The following INSM1 variants were observed in gnomAD, a reference collection of about 807,000 sequenced individuals.
INSM1 encodes insulinoma-associated protein 1.
INSM1 carries 11 observed loss-of-function variants against 21.1 expected under a neutral mutation model. The ratio of observed to expected loss-of-function variants is 0.52; its 90% CI spans 0.33 to 0.86. The LOEUF (loss-of-function observed/expected upper bound fraction) is 0.86, where lower values mean the gene tolerates loss of function less well. INSM1 is among the 40% of genes least tolerant of loss of function. The probability of loss-of-function intolerance (pLI) is 0.03; values close to 1 mark genes in which losing one functional copy is unlikely to be tolerated. For missense variants in INSM1, 843 were observed against 760.1 expected (o/e 1.11, Z -1.28); for synonymous variants, 473 against 386.1 (o/e 1.23, Z -2.64).
rs1602218244 is a variant in INSM1, at chr20:20,369,922, G to A, written c.*122G>A. The A allele has an allele frequency of 4.9e-6, 4 of 824,528 alleles. No individual in the cohort carries two copies. The African/African-American group carries it at 7.1e-5, about 15-fold the overall frequency. The allele number at this position is 824,528 out of a possible 1,614,324, so 51.1% of individuals were successfully genotyped here. On this transcript the variant is annotated 3_prime_UTR_variant, in exon 1 of 1. Coordinates refer to ENST00000310227, the MANE Select transcript of INSM1 (RefSeq NM_002196.3). This position sits in a 1 kb window ranked among gnomAD's most constrained non-coding sequence, Gnocchi z 5.6. ...GGAGCCTCGCCCCCGCCCCCACCGG[G>A]TGAAAGTGTCGTCTCCGCTTCTCTC... is the stretch of plus-strand genomic sequence containing the variant.
rs2059488014 is a variant in INSM1 at position 20,369,033 on chromosome 20, C to A, written c.766C>A (p.Arg256Ser). 1.3e-6 allele frequency: 2 copies of A among 1,536,388 alleles called. No individual in the cohort carries two copies. Among genetic ancestry groups the A allele is most frequent in the African/African-American group, 1.4e-5 (1 of 70,150 alleles). ...KEGPVEAPRGRAGGAARPLGE... is the reference protein window; with the variant it reads ...KEGPVEAPRGSAGGAARPLGE... ...GGGCCCGGTGGAGGCGCCGCGGGGC[C>A]GCGCGGGGGGCGCGGCGCGGCCGCT... The change falls in exon 1 of 1, where the codon CGC (arginine) becomes AGC (serine). Residue 256 changes from arginine to serine, a missense_variant. Coordinates refer to ENST00000310227, the MANE Select transcript of INSM1 (RefSeq NM_002196.3). This position sits in a 1 kb window ranked among gnomAD's most constrained non-coding sequence, Gnocchi z 5.6.
Position 20,369,470 on chromosome 20 carries a change from G to T in INSM1, c.1203G>T (p.Ala401=). ...TGCAGGCCAAGGGCGCGCCGCTAGC[G>T]CCCCCGGCCGAGGACCTACTGGCCT... is the stretch of plus-strand genomic sequence containing the variant. The part of the protein sequence containing the change: ...QALQAKGAPL[A]PPAEDLLALY... The change falls in exon 1 of 1, where the codon GCG becomes GCT. Residue 401 remains alanine, a synonymous_variant. Coordinates refer to ENST00000310227, the MANE Select transcript of INSM1 (RefSeq NM_002196.3). The surrounding 1 kb of genome is among the most constrained non-coding windows in gnomAD (Gnocchi z 5.6). The T allele has an allele frequency of 6.5e-7, 1 of 1,530,202 alleles. No homozygotes were observed. Among genetic ancestry groups the T allele is most frequent in the Non-Finnish European group, 8.7e-7 (1 of 1,149,170 alleles). 94.8% of individuals were successfully genotyped at this position (1,530,202 alleles called of 1,614,324 possible).
Position 20,368,932 on chromosome 20 carries a change from A to G in INSM1, c.665A>G (p.Lys222Arg), listed in dbSNP as rs2059487461. 2 of 1,526,666 alleles carry G rather than the reference A, an allele frequency of 1.3e-6. No individual in the cohort carries two copies. Among genetic ancestry groups the G allele is most frequent in the Admixed American group, 2.1e-5 (1 of 48,646 alleles). 94.6% of individuals were successfully genotyped at this position (1,526,666 alleles called of 1,614,324 possible). ...GCAGTCAAGGCCCCGGGCGCCAAGA[A>G]GCCCAAGGCCATCCGCAAGCTGCAC... ...AKAVKAPGAK[K>R]PKAIRKLHFE... Residue 222 changes from lysine to arginine, a missense_variant, in exon 1 of 1, where the codon AAG (lysine) becomes AGG (arginine). Lys to Arg is a conservative substitution (Grantham distance 26, BLOSUM62 2). Transcript: ENST00000310227. The surrounding 1 kb of genome is among the most constrained non-coding windows in gnomAD (Gnocchi z 4.3).
Position 20,368,832 on chromosome 20 carries a change from C to G in INSM1, c.565C>G (p.Leu189Val). 1 of 1,229,542 alleles carries G rather than the reference C, an allele frequency of 8.1e-7. No individual in the cohort carries two copies. The highest frequency in any genetic ancestry group is 1.0e-6 in the Non-Finnish European group (1 of 971,256). The allele number at this position is 1,229,542 out of a possible 1,614,324, so 76.2% of individuals were successfully genotyped here. A position where few individuals can be genotyped will look rare whatever the true frequency, so the allele number is the denominator to read the frequency against. Residue 189 changes from leucine (L) to valine (V), a missense_variant, in exon 1 of 1, where the codon CTG becomes GTG. Transcript: ENST00000310227. This position sits in a 1 kb window ranked among gnomAD's most constrained non-coding sequence, Gnocchi z 4.3. ...CCGCGGCCCGGGCCCCGGCCCCCCA[C>G]TGCCCCCTGCCGCCGCCCTGCGGCC... ...AARGPGPGPPLPPAAALRPPG... is the reference protein window; with the variant it reads ...AARGPGPGPPVPPAAALRPPG...
At position 20,369,818 on chromosome 20, in the gene INSM1, G is replaced by A. The variant is rs751593238; in HGVS notation, c.*18G>A. ...CCTGCTAGAGCGCGCCCTCCACCCC[G>A]GCCCCCGAACTGTGCCTTCGCTTGG... On this transcript the variant is annotated 3_prime_UTR_variant, in exon 1 of 1. Transcript: ENST00000310227. The surrounding 1 kb of genome is among the most constrained non-coding windows in gnomAD (Gnocchi z 5.6). The A allele has an allele frequency of 4.5e-5, 71 of 1,570,982 alleles. No individual in the cohort carries two copies. The highest frequency in any genetic ancestry group is 5.8e-5 in the Non-Finnish European group (67 of 1,157,742).
rs1347114131 is a variant in INSM1, at chr20:20,369,659, C to T, written c.1392C>T (p.His464=). Residue 464 remains histidine, a synonymous_variant, in exon 1 of 1, where the codon CAC becomes CAT. Coordinates refer to ENST00000310227, the MANE Select transcript of INSM1 (RefSeq NM_002196.3). This position sits in a 1 kb window ranked among gnomAD's most constrained non-coding sequence, Gnocchi z 5.6. Reference sequence around the variant, plus strand: ...AGGAGCGCCACCTGCGCCTGCTGCACGCCGCCCAGGTGTTCCCCTGCAAGT... The same window carrying T: ...AGGAGCGCCACCTGCGCCTGCTGCATGCCGCCCAGGTGTTCCCCTGCAAGT... ...GAQERHLRLL[H]AAQVFPCKYC... 2.2e-5 allele frequency: 36 copies of T among 1,600,576 alleles called. No homozygotes were observed. The highest frequency in any genetic ancestry group is 3.0e-5 in the Non-Finnish European group (35 of 1,179,808).
In INSM1 at chr20:20,369,723, C is replaced by G; in HGVS notation, c.1456C>G (p.Arg486Gly). Residue 486 changes from arginine (R) to glycine (G), a missense_variant, in exon 1 of 1, where the codon CGG becomes GGG. By Grantham distance (125) the Arg-to-Gly change is moderately radical. Transcript: ENST00000310227. The surrounding 1 kb of genome is among the most constrained non-coding windows in gnomAD (Gnocchi z 5.6). ...CTTCTACAGCTCGCCCGGCCTTACG[C>G]GGCACATCAACAAGTGCCACCCATC... ...ATFYSSPGLT[R>G]HINKCHPSEN... 6.2e-7 allele frequency: 1 copy of G among 1,601,838 alleles called. No individual in the cohort carries two copies. The highest frequency in any genetic ancestry group is 8.5e-7 in the Non-Finnish European group (1 of 1,179,716).
At position 20,369,418 on chromosome 20, in the gene INSM1, AG is replaced by A; in HGVS notation, c.1152del (p.Lys384AsnfsTer17). On this transcript the variant is annotated frameshift_variant, in exon 1 of 1. Transcript: ENST00000310227. LOFTEE classifies it high-confidence loss of function. The surrounding 1 kb of genome is among the most constrained non-coding windows in gnomAD (Gnocchi z 5.6). ...KKFRRQAYLR[K>X]HLLAHHQALQ... ...TTCCGCCGCCAGGCCTACCTACGCA[AG>A]CACCTGCTGGCGCACCACCAGGCGC... The A allele has an allele frequency of 6.4e-7, 1 of 1,553,248 alleles. No individual in the cohort carries two copies. Among genetic ancestry groups the A allele is most frequent in the Non-Finnish European group, 8.6e-7 (1 of 1,160,884 alleles).
At position 20,369,665 on chromosome 20, in the gene INSM1, C is replaced by T; in HGVS notation, c.1398C>T (p.Ala466=). The change falls in exon 1 of 1, where the codon GCC becomes GCT. Residue 466 remains alanine, a synonymous_variant. Coordinates refer to ENST00000310227, the MANE Select transcript of INSM1 (RefSeq NM_002196.3). The surrounding 1 kb of genome is among the most constrained non-coding windows in gnomAD (Gnocchi z 5.6). The part of the protein sequence containing the change: ...QERHLRLLHA[A]QVFPCKYCPA... ...GCCACCTGCGCCTGCTGCACGCCGC[C>T]CAGGTGTTCCCCTGCAAGTACTGCC... 1 of 1,600,674 alleles carries T rather than the reference C, an allele frequency of 6.2e-7. No homozygotes were observed. Among genetic ancestry groups the T allele is most frequent in the East Asian group, 2.2e-5 (1 of 44,826 alleles).
rs1323811947 is a variant in INSM1, at chr20:20,369,725, G to T, written c.1458G>T (p.Arg486=). The change falls in exon 1 of 1, where the codon CGG becomes CGT. Residue 486 remains arginine (R), a synonymous_variant. Transcript: ENST00000310227. The surrounding 1 kb of genome is among the most constrained non-coding windows in gnomAD (Gnocchi z 5.6). ...TCTACAGCTCGCCCGGCCTTACGCGGCACATCAACAAGTGCCACCCATCCG... is the reference window on the plus strand; with the variant it reads ...TCTACAGCTCGCCCGGCCTTACGCGTCACATCAACAAGTGCCACCCATCCG... ...ATFYSSPGLT[R]HINKCHPSEN... is the part of the protein sequence containing the mutation. 4.4e-6 allele frequency: 7 copies of T among 1,601,780 alleles called. No individual in the cohort carries two copies. The highest frequency in any genetic ancestry group is 5.9e-6 in the Non-Finnish European group (7 of 1,179,696).
At position 20,368,575 on chromosome 20, in the gene INSM1, C is replaced by T. The variant is rs1279959376; in HGVS notation, c.308C>T (p.Thr103Met). 2.1e-6 allele frequency: 3 copies of T among 1,458,116 alleles called. No homozygotes were observed. The highest frequency in any genetic ancestry group is 2.7e-6 in the Non-Finnish European group (3 of 1,092,604). 90.3% of individuals were successfully genotyped at this position (1,458,116 alleles called of 1,614,324 possible). Reference protein sequence around the residue: ...AAHPAPLYSPTRPVSREHEKH... With the variant: ...AAHPAPLYSPMRPVSREHEKH... ...CACCCCGCGCCGCTCTACAGTCCCA[C>T]GCGGCCCGTGAGCCGCGAGCACGAG... is the stretch of plus-strand genomic sequence containing the variant. The change falls in exon 1 of 1, where the codon ACG (threonine) becomes ATG (methionine). Residue 103 changes from threonine to methionine, a missense_variant. By Grantham distance (81) the Thr-to-Met change is moderately conservative (BLOSUM62 -1). Transcript: ENST00000310227. This position sits in a 1 kb window ranked among gnomAD's most constrained non-coding sequence, Gnocchi z 4.3.
rs1046259783 is a variant in INSM1 at position 20,370,029 on chromosome 20, C to T, written c.*229C>T. 8 of 530,464 alleles carry T rather than the reference C, an allele frequency of 1.5e-5. No individual in the cohort carries two copies. The highest frequency in any genetic ancestry group is 9.9e-5 in the African/African-American group (5 of 50,424). The allele number at this position is 530,464 out of a possible 1,614,324, so 32.9% of individuals were successfully genotyped here. A position where few individuals can be genotyped will look rare whatever the true frequency, so the allele number is the denominator to read the frequency against. On this transcript the variant is annotated 3_prime_UTR_variant, in exon 1 of 1. Coordinates refer to ENST00000310227, the MANE Select transcript of INSM1 (RefSeq NM_002196.3). Reference sequence around the variant, plus strand: ...TTTTACGTTGTGTCCCTCCGCCTCCCCCATGGCGCAACAGGAGTCAGTCTC... The same window carrying T: ...TTTTACGTTGTGTCCCTCCGCCTCCTCCATGGCGCAACAGGAGTCAGTCTC...
Position 20,368,195 on chromosome 20 carries a change from G to A in INSM1, c.-73G>A. ...CCGCCGCGCCCGGGCAATGGGCCGG[G>A]GGCACTGAGGGCCGCCGGGGCCGAG... On this transcript the variant is annotated 5_prime_UTR_variant, in exon 1 of 1. Transcript: ENST00000310227. The surrounding 1 kb of genome is among the most constrained non-coding windows in gnomAD (Gnocchi z 4.3). 2 of 1,018,644 alleles carry A rather than the reference G, an allele frequency of 2.0e-6. 1 individual carries two copies. Among genetic ancestry groups the A allele is most frequent in the South Asian group, 9.1e-5 (2 of 21,994 alleles). The allele number at this position is 1,018,644 out of a possible 1,614,324, so 63.1% of individuals were successfully genotyped here.
At position 20,370,849 on chromosome 20, in the gene INSM1, ACATT is replaced by A. The variant is rs1415995508; in HGVS notation, c.*1050_*1053del. 2 of 167,040 alleles carry A rather than the reference ACATT, an allele frequency of 1.2e-5. No homozygotes were observed. The highest frequency in any genetic ancestry group is 2.4e-5 in the African/African-American group (1 of 41,452). The allele number at this position is 167,040 out of a possible 1,614,324, so 10.3% of individuals were successfully genotyped here. On this transcript the variant is annotated 3_prime_UTR_variant, in exon 1 of 1. Coordinates refer to ENST00000310227, the MANE Select transcript of INSM1 (RefSeq NM_002196.3). Reference sequence around the variant, plus strand: ...TTTAAATGCAATCTCTTTTCTACATACATTATTTTCTTAATTGTTAGCTATTTAT... The same window carrying A: ...TTTAAATGCAATCTCTTTTCTACATAATTTTCTTAATTGTTAGCTATTTAT...
rs1156659916 is a variant in INSM1, at chr20:20,368,451, G to A, written c.184G>A (p.Ala62Thr). ...PLPPPPPAER[A>T]HAALAAALAC... is the part of the protein sequence containing the mutation. ...GCCGCCGCCGCCGCCCGCGGAGCGCGCCCATGCAGCGCTCGCCGCCGCGCT... is the reference window on the plus strand; with the variant it reads ...GCCGCCGCCGCCGCCCGCGGAGCGCACCCATGCAGCGCTCGCCGCCGCGCT... The change falls in exon 1 of 1, where the codon GCC (alanine) becomes ACC (threonine). Residue 62 changes from alanine (A) to threonine (T), a missense_variant. Physicochemically the swap from Ala to Thr is moderately conservative, Grantham distance 58 (BLOSUM62 0). Transcript: ENST00000310227. The surrounding 1 kb of genome is among the most constrained non-coding windows in gnomAD (Gnocchi z 4.3). 2.6e-5 allele frequency: 26 copies of A among 1,005,096 alleles called. No individual in the cohort carries two copies. Among genetic ancestry groups the A allele is most frequent in the East Asian group, 9.8e-5 (1 of 10,224 alleles). 62.3% of individuals were successfully genotyped at this position (1,005,096 alleles called of 1,614,324 possible).
Position 20,368,993 on chromosome 20 carries a change from G to A in INSM1, c.726G>A (p.Gly242=), listed in dbSNP as rs2059487774. Residue 242 remains glycine (G), a synonymous_variant, in exon 1 of 1, where the codon GGG becomes GGA. Coordinates refer to ENST00000310227, the MANE Select transcript of INSM1 (RefSeq NM_002196.3). This position sits in a 1 kb window ranked among gnomAD's most constrained non-coding sequence, Gnocchi z 4.3. The part of the protein sequence containing the change: ...EDEVTTSPVL[G]LKIKEGPVEA... ...AGGTGACCACGTCGCCCGTGCTGGG[G>A]CTCAAGATCAAGGAGGGCCCGGTGG... 1.3e-6 allele frequency: 2 copies of A among 1,545,120 alleles called. No individual in the cohort carries two copies. Among genetic ancestry groups the A allele is most frequent in the Non-Finnish European group, 1.7e-6 (2 of 1,148,322 alleles).
chr20:20,368,465 CGCCGCCGCGCTTGCCTGCGCGCCTGG>C lies in INSM1; in HGVS notation c.204_229del (p.Leu70ThrfsTer260), dbSNP rs2059484514. On this transcript the variant is annotated frameshift_variant, in exon 1 of 1. Coordinates refer to ENST00000310227, the MANE Select transcript of INSM1 (RefSeq NM_002196.3). LOFTEE classifies it low-confidence loss of function (END_TRUNC). This position sits in a 1 kb window ranked among gnomAD's most constrained non-coding sequence, Gnocchi z 4.3. ...CCGCGGAGCGCGCCCATGCAGCGCT[CGCCGCCGCGCTTGCCTGCGCGCCTGG>C]GCCGCAGCCACCCCCGCAGGGCCCG... 9.5e-7 allele frequency: 1 copy of C among 1,050,952 alleles called. No individual in the cohort carries two copies. Among genetic ancestry groups the C allele is most frequent in the Admixed American group, 5.7e-5 (1 of 17,424 alleles). 65.1% of individuals were successfully genotyped at this position (1,050,952 alleles called of 1,614,324 possible). A position where few individuals can be genotyped will look rare whatever the true frequency, so the allele number is the denominator to read the frequency against.
chr20:20,368,201 T>A lies in INSM1; in HGVS notation c.-67T>A. The A allele has an allele frequency of 9.6e-7, 1 of 1,043,172 alleles. No homozygotes were observed. Among genetic ancestry groups the A allele is most frequent in the Non-Finnish European group, 1.2e-6 (1 of 866,012 alleles). 64.6% of individuals were successfully genotyped at this position (1,043,172 alleles called of 1,614,324 possible). On this transcript the variant is annotated 5_prime_UTR_variant, in exon 1 of 1. It removes the in-frame stop codon of an upstream open reading frame in the 5' UTR. Transcript: ENST00000310227. The surrounding 1 kb of genome is among the most constrained non-coding windows in gnomAD (Gnocchi z 4.3). The stretch of plus-strand genomic sequence containing the variant: ...CGCCCGGGCAATGGGCCGGGGGCAC[T>A]GAGGGCCGCCGGGGCCGAGCGCGGA...
Position 20,369,326 on chromosome 20 carries a change from C to A in INSM1, c.1059C>A (p.Ser353Arg). Residue 353 changes from serine to arginine, a missense_variant, in exon 1 of 1, where the codon AGC becomes AGA. Transcript: ENST00000310227. The surrounding 1 kb of genome is among the most constrained non-coding windows in gnomAD (Gnocchi z 5.6). ...GCGGCAGCGACCGGGACACGCCGAGCCCCGGCGGCGTGTCCGAGTCGGGCT... is the reference window on the plus strand; with the variant it reads ...GCGGCAGCGACCGGGACACGCCGAGACCCGGCGGCGTGTCCGAGTCGGGCT... ...PGGGSDRDTP[S>R]PGGVSESGSE... The A allele has an allele frequency of 7.0e-7, 1 of 1,430,108 alleles. No homozygotes were observed. The highest frequency in any genetic ancestry group is 9.1e-7 in the Non-Finnish European group (1 of 1,103,578). The allele number at this position is 1,430,108 out of a possible 1,614,324, so 88.6% of individuals were successfully genotyped here.
Sources: gnomAD v4.1 joint callset for allele counts on GRCh38, gnomAD v4.1.1 for gene constraint, Gnocchi (gnomAD v3.1) non-coding constraint, MANE v1.5 for transcripts, NCBI Gene and HGNC (gene_info 2026-07-23, HGNC 2026-07-21) for gene names.